The following KANK1 variants were observed in gnomAD, a reference collection of about 807,000 sequenced individuals.
KANK1 encodes KN motif and ankyrin repeat domains 1, also known as KN motif and ankyrin repeat domain-containing protein 1.
A neutral mutation model predicts 106.2 loss-of-function variants in KANK1; 109 were observed. The ratio of observed to expected loss-of-function variants is 1.03; its 90% CI spans 0.88 to 1.20. The LOEUF (loss-of-function observed/expected upper bound fraction) is 1.20. KANK1 is among the 50% of genes most tolerant of loss of function. The pLI, the probability that KANK1 is intolerant of heterozygous loss-of-function variation, is 0.00. For synonymous variants in KANK1, 873 were observed against 652.2 expected, an observed-to-expected ratio of 1.34 and a Z score of -5.16; for missense variants, 2,399 against 1,710.7, an observed-to-expected ratio of 1.40 and a Z score of -7.10.
intron 1 of KANK1, among the ~76,000 whole-genome samples, chr9:587,228 C>A (rs1188401482): frequency 3.3e-5 from 5 of 152,254 alleles, no homozygotes; most frequent in Non-Finnish European, 5.9e-5. Context: ...CGAATCTGTT[C>A]CCTAGTCTTT....
intron 1 of KANK1, among the ~76,000 whole-genome samples, chr9:609,080 A>G (rs1284030097): frequency 6.6e-6 from 1 of 152,052 alleles, no homozygotes; most frequent in Admixed American, 6.5e-5. Context: ...CTCAAAGGGA[A>G]GAAGACTTGA....
At chr9:691,929 T>C (rs1220899819) in intron 2 of KANK1, among the ~76,000 whole-genome samples, 2 of 152,086 alleles carry the variant, frequency 1.3e-5, no homozygotes, top group Non-Finnish European at 2.9e-5. Flanking sequence ...AAGGGTTCTT[T>C]TAAATGCCTT....
intron 1 of KANK1, among the ~76,000 whole-genome samples, chr9:674,962 C>G (rs1480628911): frequency 6.6e-6 from 1 of 152,118 alleles, no homozygotes. Flanking sequence ...GCGTCAGCCT[C>G]CCACAGTGCT....
At chr9:659,801 C>T (rs1372051642) in intron 1 of KANK1, among the ~76,000 whole-genome samples, 4 of 151,912 alleles carry the variant, frequency 2.6e-5, no homozygotes, top group Non-Finnish European at 5.9e-5. Flanking sequence ...TCTTCCAGCA[C>T]GGAGGATTAT....
chr9:685,698 T>G (rs1200968479), intron 2 of KANK1: 1 of 152,200 alleles, frequency 6.6e-6, no homozygotes, highest in Non-Finnish European at 1.5e-5. Context: ...TTATTTTAGT[T>G]CCTTTTTCAT....
intron 1 of KANK1, among the ~76,000 whole-genome samples, chr9:672,328 G>T (rs1815356615): frequency 6.6e-6 from 1 of 152,180 alleles, no homozygotes; most frequent in Non-Finnish European, 1.5e-5. Flanking sequence ...AAAGTCCCTT[G>T]AATGTAACAA....
chr9:549,254 C>G (rs896860892), intron 1 of KANK1: 1 of 152,428 alleles, frequency 6.6e-6, no homozygotes, highest in African/African-American at 2.4e-5. Context: ...AAGGTCTCCC[C>G]GCTGACTTCC....
chr9:647,125 G>A, intron 1 of KANK1, among the ~76,000 whole-genome samples: 1 of 151,110 alleles, frequency 6.6e-6, no homozygotes, highest in African/African-American at 2.5e-5. Flanking sequence ...TGGGGAGGGA[G>A]ACATCCAAAG....
rs1210799584 is a variant in KANK1, at chr9:744,561, A to G, written c.3968A>G (p.His1323Arg). The change falls in exon 11 of 12, where the codon CAT becomes CGT. Residue 1323 changes from histidine (H) to arginine (R), a missense_variant. By Grantham distance (29) the His-to-Arg change is conservative. Coordinates refer to ENST00000382297, the MANE Select transcript of KANK1 (RefSeq NM_015158.5). The part of the protein sequence containing the change: ...HKDIAVLLYA[H>R]VNFAKAQSPG... Reference sequence around the variant, plus strand: ...GACATCGCTGTTCTTCTGTATGCCCATGTCAACTTTGCAAAAGCCCAGTCT... The same window carrying G: ...GACATCGCTGTTCTTCTGTATGCCCGTGTCAACTTTGCAAAAGCCCAGTCT... 2 of 1,614,046 alleles carry G rather than the reference A, an allele frequency of 1.2e-6. No homozygotes were observed. The highest frequency in any genetic ancestry group is 3.3e-5 in the Admixed American group (2 of 60,006).
chr9:534,754 T>C (rs2060218478), intron 1 of KANK1, among the ~76,000 whole-genome samples: 1 of 152,222 alleles, frequency 6.6e-6, no homozygotes, highest in African/African-American at 2.4e-5. Flanking sequence ...CTCTGATGGC[T>C]TCTCCCAGAA....
At chr9:638,551 C>A (rs759695479) in intron 1 of KANK1, among the ~76,000 whole-genome samples, 1 of 152,150 alleles carries the variant, frequency 6.6e-6, no homozygotes, top group Non-Finnish European at 1.5e-5. Flanking sequence ...ATTGTTAGCA[C>A]CAGCTCTGTA....
intron 2 of KANK1, among the ~76,000 whole-genome samples, chr9:687,481 G>T (rs1000535468): frequency 6.6e-6 from 1 of 152,076 alleles, no homozygotes; most frequent in Non-Finnish European, 1.5e-5. Context: ...TCTTGTGTCT[G>T]TAAAAATCAC....
intron 1 of KANK1, among the ~76,000 whole-genome samples, chr9:573,058 G>A (rs926346207): frequency 7.9e-5 from 12 of 152,136 alleles, no homozygotes; most frequent in Non-Finnish European, 2.9e-5. Flanking sequence ...GTAATTACTG[G>A]CAGATATGGA....
chr9:614,975 C>T (rs1452730758), intron 1 of KANK1, among the ~76,000 whole-genome samples: 2 of 150,654 alleles, frequency 1.3e-5, no homozygotes, highest in Admixed American at 1.3e-4. Context: ...TTTTTTGAGA[C>T]AGGGTCTCAG....
intron 2 of KANK1, among the ~76,000 whole-genome samples, chr9:704,032 C>T (rs1589046376): frequency 6.6e-6 from 1 of 152,256 alleles, no homozygotes; most frequent in African/African-American, 2.4e-5. Flanking sequence ...TGTTTTTATA[C>T]TTCCTCTTGA....
intron 1 of KANK1, among the ~76,000 whole-genome samples, chr9:659,232 C>T (rs759837589): frequency 3.9e-5 from 6 of 152,080 alleles, no homozygotes; most frequent in Non-Finnish European, 7.4e-5. Flanking sequence ...TTTCTAAATC[C>T]CTAGGTATCA....
intron 3 of KANK1, 136 bp from the exon 4 acceptor site, chr9:729,915 G>C: frequency 1.4e-6 from 1 of 723,598 alleles, no homozygotes; most frequent in East Asian, 2.7e-5. Flanking sequence ...AAGCTGGAGC[G>C]TCAAAGGGGC....
At chr9:633,175 T>C (rs1473192231) in intron 1 of KANK1, among the ~76,000 whole-genome samples, 1 of 151,784 alleles carries the variant, frequency 6.6e-6, no homozygotes, top group Non-Finnish European at 1.5e-5. Context: ...ACCCAACCCT[T>C]GACCGGGCGC....
chr9:555,391 G>A (rs759616095), intron 1 of KANK1, among the ~76,000 whole-genome samples: 8 of 152,150 alleles, frequency 5.3e-5, no homozygotes, highest in African/African-American at 9.7e-5. Flanking sequence ...TGCAGTGTCA[G>A]CTTTGTGATG....
Sources: allele counts gnomAD v4.1 joint callset (sites outside exome capture counted in the v4.1 genomes callset), GRCh38; gene constraint gnomAD v4.1.1; transcripts MANE v1.5; gene names NCBI Gene and HGNC (gene_info 2026-07-23, HGNC 2026-07-21).